EIF5B: variants seen among roughly 807,000 people sequenced by gnomAD.
EIF5B encodes the protein eukaryotic translation initiation factor 5B.
In EIF5B, 47 loss-of-function variants were observed where a neutral mutation model predicts 147.5. That is an observed-to-expected ratio of 0.32 (90% CI 0.25 to 0.41). The LOEUF (loss-of-function observed/expected upper bound fraction) is 0.41. Among genes scored for constraint, EIF5B ranks in the 10% least tolerant of loss-of-function variants. EIF5B has a pLI of 1.00. For synonymous variants in EIF5B, 455 were observed against 456.2 expected, an observed-to-expected ratio of 1.00 and a Z score of 0.03; for missense variants, 1,064 against 1,413.2, an observed-to-expected ratio of 0.75 and a Z score of 3.96.
In EIF5B at chr2:99,361,796, G is replaced by C. The variant is rs1674220516; in HGVS notation, c.895G>C (p.Ala299Pro). The stretch of plus-strand genomic sequence containing the variant: ...AGTAATTCCTGCCTCTGAAGAGAAA[G>C]CAGAGACTCCCACAGCTGCAGAAGG... ...TGVIPASEEK[A>P]ETPTAAEDDN... The change falls in exon 4 of 24, where the codon GCA (alanine) becomes CCA (proline). Residue 299 changes from alanine to proline, a missense_variant. Around this residue, in one of 4 missense-constraint regions of EIF5B, gnomAD observed 458 missense variants for 451.3 expected, o/e 1.01. Coordinates refer to ENST00000289371, the MANE Select transcript of EIF5B (RefSeq NM_015904.4). The C allele has an allele frequency of 1.3e-6, 2 of 1,556,886 alleles. No homozygotes were observed. Among genetic ancestry groups the C allele is most frequent in the Non-Finnish European group, 1.7e-6 (2 of 1,162,420 alleles).
At chr2:99,371,507 ATAGT>A (rs1213099958) in intron 8 of EIF5B, 145 bp from the exon 9 acceptor site, 21 of 481,178 alleles carry the variant, frequency 4.4e-5, no homozygotes, top group Admixed American at 1.1e-4. Context: ...AAAAAAAAAG[ATAGT>A]TCTAAAGATA....
chr2:99,353,502 A>G (rs1218328052), intron 1 of EIF5B, among the ~76,000 whole-genome samples: 2 of 152,228 alleles, frequency 1.3e-5, no homozygotes, highest in African/African-American at 4.8e-5. Flanking sequence ...GATTATATTC[A>G]GGTTTGCCGA....
Position 99,376,526 on chromosome 2 carries a change from A to C in EIF5B, c.1732A>C (p.Thr578Pro). Reference sequence around the variant, plus strand: ...GTCAGATGAGAAGGATTCAGGGAAGACATTAGATAAAAAGCCAAGTAAAGA... The same window carrying C: ...GTCAGATGAGAAGGATTCAGGGAAGCCATTAGATAAAAAGCCAAGTAAAGA... ...KVSDEKDSGK[T>P]LDKKPSKEMS... is the part of the protein sequence containing the mutation. Residue 578 changes from threonine to proline, a missense_variant, in exon 10 of 24, where the codon ACA becomes CCA. By Grantham distance (38) the Thr-to-Pro change is conservative (BLOSUM62 -1). Coordinates refer to ENST00000289371, the MANE Select transcript of EIF5B (RefSeq NM_015904.4). The C allele has an allele frequency of 1.2e-6, 2 of 1,613,970 alleles. No homozygotes were observed. Among genetic ancestry groups the C allele is most frequent in the Non-Finnish European group, 1.7e-6 (2 of 1,179,904 alleles).
Position 99,363,781 on chromosome 2 carries a change from A to G in EIF5B, c.1056A>G (p.Lys352=). 1 of 1,614,076 alleles carries G rather than the reference A, an allele frequency of 6.2e-7. No individual in the cohort carries two copies. Among genetic ancestry groups the G allele is most frequent in the Non-Finnish European group, 8.5e-7 (1 of 1,180,014 alleles). ...KAMQEALAKL[K]EEEERQKREE... The stretch of plus-strand genomic sequence containing the variant: ...TGCAAGAAGCTCTGGCTAAGCTTAA[A>G]GAGGAAGAAGAAAGACAGAAGAGAG... The change falls in exon 5 of 24, where the codon AAA becomes AAG. Residue 352 remains lysine (K), a synonymous_variant. Coordinates refer to ENST00000289371, the MANE Select transcript of EIF5B (RefSeq NM_015904.4).
At chr2:99,383,071 T>G in intron 14 of EIF5B, 150 bp downstream of exon 14, 1 of 828,976 alleles carries the variant, frequency 1.2e-6, no homozygotes, top group Non-Finnish European at 1.7e-6. Flanking sequence ...TGTGTGTGTA[T>G]TTGTGTATAG....
intron 9 of EIF5B, among the ~76,000 whole-genome samples, chr2:99,374,652 A>G (rs1440051692): frequency 1.3e-5 from 2 of 152,134 alleles, no homozygotes; most frequent in East Asian, 1.9e-4. Context: ...CCTGGCTTTC[A>G]TTGTTCCTGT....
At chr2:99,368,377 C>G in intron 6 of EIF5B, 116 bp from the exon 7 acceptor site, 1 of 736,454 alleles carries the variant, frequency 1.4e-6, no homozygotes, top group Non-Finnish European at 2.3e-6. Context: ...CATGAATATC[C>G]TTTCATATTT....
intron 14 of EIF5B, among the ~76,000 whole-genome samples, chr2:99,384,200 A>AAAAAAAAAAT (rs1674752369): frequency 6.6e-6 from 1 of 151,066 alleles, no homozygotes; most frequent in Non-Finnish European, 1.5e-5. Context: ...CCGTCTCAAA[A>AAAAAAAAAAT]AAAAAAAGAA....
At chr2:99,378,883 A>G (rs2104222283) in intron 10 of EIF5B, 136 bp from the exon 11 acceptor site, 1 of 614,982 alleles carries the variant, frequency 1.6e-6, no homozygotes, top group Non-Finnish European at 2.6e-6. Flanking sequence ...TATAAATTCC[A>G]ATTATGTGTA....
chr2:99,381,518 G>GGTGGGT (rs1674688710), intron 12 of EIF5B, among the ~76,000 whole-genome samples: 1 of 142,988 alleles, frequency 7.0e-6, no homozygotes, highest in Non-Finnish European at 1.5e-5. Context: ...ACAAAAAGGG[G>GGTGGGT]GTGTGTGTGT....
At chr2:99,349,267 T>TTGG (rs1357085919) in intron 1 of EIF5B, among the ~76,000 whole-genome samples, 1 of 152,010 alleles carries the variant, frequency 6.6e-6, no homozygotes, top group Non-Finnish European at 1.5e-5. Context: ...AGAAGAGAGG[T>TTGG]TGGTAAAAAG....
In EIF5B at chr2:99,382,329, A is replaced by G. The variant is rs146918616; in HGVS notation, c.2129+103A>G. On this transcript the variant is annotated intron_variant, in intron 13 of 23. Transcript: ENST00000289371. ...ACCTTTGAGTAGTAATTTGATCTCT[A>G]TAACTACCACTCCACCTTTGTACCT... The G allele has an allele frequency of 1.1e-3, 932 of 882,138 alleles. 8 individuals carry two copies. In the African/African-American group the frequency reaches 0.014, roughly 13 times the overall value. The allele number at this position is 882,138 out of a possible 1,614,324, so 54.6% of individuals were successfully genotyped here.
chr2:99,390,042 C>T (rs1013694925), intron 15 of EIF5B, among the ~76,000 whole-genome samples, 177 bp from the exon 16 acceptor site: 1 of 152,026 alleles, frequency 6.6e-6, no homozygotes, highest in Non-Finnish European at 1.5e-5. Context: ...ACTGAGTTGA[C>T]TTAGAACTAC....
At position 99,400,137 on chromosome 2, in the gene EIF5B, T is replaced by C. The variant is rs913733605; in HGVS notation, c.*723T>C. The C allele has an allele frequency of 2.0e-5, 3 of 152,146 alleles. No individual in the cohort carries two copies. Among genetic ancestry groups the C allele is most frequent in the African/African-American group, 7.3e-5 (3 of 41,370 alleles). 9.4% of individuals were successfully genotyped at this position (152,146 alleles called of 1,614,324 possible). A position where few individuals can be genotyped will look rare whatever the true frequency, so the allele number is the denominator to read the frequency against. The stretch of plus-strand genomic sequence containing the variant: ...ACAAGTTGTCCTCCTAGGACAAGAA[T>C]TATCTTACAAACTAAACTATCATCA... On this transcript the variant is annotated 3_prime_UTR_variant, in exon 24 of 24. Coordinates refer to ENST00000289371, the MANE Select transcript of EIF5B (RefSeq NM_015904.4).
intron 18 of EIF5B, 44 bp downstream of exon 18, chr2:99,393,142 T>C: frequency 6.9e-7 from 1 of 1,445,652 alleles, no homozygotes; most frequent in East Asian, 2.6e-5. Flanking sequence ...CTATTTGAGT[T>C]CTGGCATGTG....
rs371646128 is a variant in EIF5B, at chr2:99,361,683, C to T, written c.782C>T (p.Thr261Ile). Residue 261 changes from threonine (T) to isoleucine (I), a missense_variant, in exon 4 of 24, where the codon ACA (threonine) becomes ATA (isoleucine). Coordinates refer to ENST00000289371, the MANE Select transcript of EIF5B (RefSeq NM_015904.4). ...RKLKEKEELETGKKDQSKQKE... is the reference protein window; with the variant it reads ...RKLKEKEELEIGKKDQSKQKE... ...CTGAAAGAAAAAGAAGAGTTAGAAACAGGTAAAAAGGATCAGAGTAAACAA... is the reference window on the plus strand; with the variant it reads ...CTGAAAGAAAAAGAAGAGTTAGAAATAGGTAAAAAGGATCAGAGTAAACAA... The T allele has an allele frequency of 5.0e-6, 8 of 1,600,994 alleles. No homozygotes were observed. The African/African-American group carries it at 9.5e-5, about 19-fold the overall frequency.
chr2:99,395,797 T>A (rs1465752578), intron 21 of EIF5B, among the ~76,000 whole-genome samples: 1 of 152,056 alleles, frequency 6.6e-6, no homozygotes, highest in Non-Finnish European at 1.5e-5. Context: ...CACAGGCACA[T>A]GGGGAGTGTC....
rs1050165723 is a variant in EIF5B, at chr2:99,369,494, A to T, written c.1477+13A>T. 3.1e-6 allele frequency: 5 copies of T among 1,590,466 alleles called. No individual in the cohort carries two copies. Among genetic ancestry groups the T allele is most frequent in the Non-Finnish European group, 4.3e-6 (5 of 1,165,192 alleles). ...CCTGTTGAACCAGGCGGGTAGTGTTATCTGATTATTTAATTAGTGAATTCT... is the reference window on the plus strand; with the variant it reads ...CCTGTTGAACCAGGCGGGTAGTGTTTTCTGATTATTTAATTAGTGAATTCT... On this transcript the variant is annotated intron_variant, in intron 8 of 23. Coordinates refer to ENST00000289371, the MANE Select transcript of EIF5B (RefSeq NM_015904.4).
At position 99,365,831 on chromosome 2, in the gene EIF5B, C is replaced by T. The variant is rs548949977; in HGVS notation, c.1288+1410C>T. 4.6e-5 allele frequency among the ~76,000 whole-genome samples: 7 copies of T among 152,210 alleles called. No individual in the cohort carries two copies. The East Asian group carries it at 1.4e-3, about 30-fold the overall frequency. On this transcript the variant is annotated intron_variant, in intron 6 of 23. Transcript: ENST00000289371. Reference sequence around the variant, plus strand: ...TAAGAATCCAAATTCCTTAGCTTGACATTCAAGGTTCCCCCCCACCCACAG... The same window carrying T: ...TAAGAATCCAAATTCCTTAGCTTGATATTCAAGGTTCCCCCCCACCCACAG...
Sources: allele counts gnomAD v4.1 joint callset (sites outside exome capture counted in the v4.1 genomes callset), GRCh38; gene constraint gnomAD v4.1.1; regional missense constraint gnomAD v4.1.1; transcripts MANE v1.5; gene names NCBI Gene and HGNC (gene_info 2026-07-23, HGNC 2026-07-21).